The following SIL1 variants were observed in gnomAD, a reference collection of about 807,000 sequenced individuals.
The protein encoded by SIL1 is SIL1 nucleotide exchange factor.
Under a neutral mutation model 49.1 loss-of-function variants are expected in SIL1, and 40 were observed. The observed-to-expected ratio is 0.81, with a 90% CI of 0.63 to 1.06. SIL1 has a LOEUF of 1.06. SIL1 is among the 50% of genes least tolerant of loss of function. The pLI, the probability that SIL1 is intolerant of heterozygous loss-of-function variation, is 0.00. For missense variants in SIL1, 500 were observed against 572.6 expected, an observed-to-expected ratio of 0.87 and a Z score of 1.29; for synonymous variants, 253 against 250.8, an observed-to-expected ratio of 1.01 and a Z score of -0.08.
chr5:139,107,426 T>C (rs1323869231), intron 3 of SIL1, among the ~76,000 whole-genome samples: 1 of 152,240 alleles, frequency 6.6e-6, no homozygotes, highest in African/African-American at 2.4e-5. Flanking sequence ...GAGTTTCCCA[T>C]ATACTCTTCA....
At chr5:139,144,125 G>A (rs1751146837) in intron 1 of SIL1, among the ~76,000 whole-genome samples, 1 of 152,176 alleles carries the variant, frequency 6.6e-6, no homozygotes, top group Non-Finnish European at 1.5e-5. Flanking sequence ...TTCACATGGA[G>A]TTTCAAGGGA....
intron 7 of SIL1, among the ~76,000 whole-genome samples, chr5:139,004,217 TC>T (rs1259660086): frequency 1.3e-5 from 2 of 152,184 alleles, no homozygotes; most frequent in African/African-American, 4.8e-5. Flanking sequence ...CCCAGGCTGG[TC>T]TTGAATTCCT....
chr5:139,000,790 C>T (rs1767966314), intron 7 of SIL1, among the ~76,000 whole-genome samples: 1 of 151,624 alleles, frequency 6.6e-6, no homozygotes, highest in South Asian at 2.1e-4. Context: ...GTGAAATGAC[C>T]CGCTACACAC....
intron 7 of SIL1, among the ~76,000 whole-genome samples, chr5:138,955,946 G>A (rs951339387): frequency 1.3e-5 from 2 of 152,200 alleles, no homozygotes; most frequent in African/African-American, 4.8e-5. Flanking sequence ...AGAGCTCTAG[G>A]ATGGGAATAA....
chr5:139,024,514 C>G (rs1042617560), intron 6 of SIL1, among the ~76,000 whole-genome samples: 4 of 152,224 alleles, frequency 2.6e-5, no homozygotes. Flanking sequence ...AGGAAGAAAG[C>G]ATGTCTTTTA....
At chr5:139,170,964 C>T (rs2151815219) in intron 1 of SIL1, among the ~76,000 whole-genome samples, 1 of 148,642 alleles carries the variant, frequency 6.7e-6, no homozygotes, top group Admixed American at 6.6e-5. Context: ...GGGTCAGTCC[C>T]CCGCCCGGCC....
chr5:138,959,482 A>G (rs1401307998), intron 7 of SIL1, among the ~76,000 whole-genome samples: 1 of 152,082 alleles, frequency 6.6e-6, no homozygotes, highest in Admixed American at 6.5e-5. Flanking sequence ...CATGAAGCTT[A>G]TACCCTCTGG....
rs115263767 is a variant in SIL1, at chr5:139,072,838, A to C, written c.245-21792T>G. ...CTGATAGTGATAAATACCCAAAATAAATATGGAACTCAACTCAACAGCAAA... is the reference window on the plus strand; with the variant it reads ...CTGATAGTGATAAATACCCAAAATACATATGGAACTCAACTCAACAGCAAA... On this transcript the variant is annotated intron_variant, in intron 3 of 9. Coordinates refer to ENST00000394817, the MANE Select transcript of SIL1 (RefSeq NM_022464.5). 5.6e-3 allele frequency among the ~76,000 whole-genome samples: 851 copies of C among 152,300 alleles called. 12 individuals are homozygous for C. The highest frequency in any genetic ancestry group is 0.019 in the African/African-American group (788 of 41,580).
intron 7 of SIL1, 42 bp from the exon 8 acceptor site, chr5:138,951,926 C>T: frequency 6.4e-7 from 1 of 1,554,318 alleles, no homozygotes; most frequent in Non-Finnish European, 8.9e-7. Flanking sequence ...CCTGCCCAGC[C>T]CAGGGATCGG....
chr5:139,111,026 C>T (rs1024036849), intron 3 of SIL1, among the ~76,000 whole-genome samples: 6 of 152,212 alleles, frequency 3.9e-5, no homozygotes, highest in Non-Finnish European at 7.3e-5. Flanking sequence ...AGTCAACAAA[C>T]CTCACCCACC....
chr5:139,079,751 A>C (rs928883292), intron 3 of SIL1, among the ~76,000 whole-genome samples: 32 of 152,248 alleles, frequency 2.1e-4, no homozygotes, highest in African/African-American at 7.5e-4. Flanking sequence ...AGTTCAAAAA[A>C]GTAAGAAAAT....
intron 7 of SIL1, among the ~76,000 whole-genome samples, chr5:139,013,313 T>C (rs964819339): frequency 7.2e-5 from 11 of 152,232 alleles, no homozygotes; most frequent in South Asian, 4.1e-4. Flanking sequence ...AGACTGAAGA[T>C]CTGCAGGCAT....
intron 1 of SIL1, among the ~76,000 whole-genome samples, chr5:139,157,422 A>G (rs922372413): frequency 4.6e-5 from 7 of 152,110 alleles, no homozygotes; most frequent in Non-Finnish European, 8.8e-5. Flanking sequence ...GCTATTCACC[A>G]CTTTGACTTC....
chr5:139,070,145 A>C (rs1487178392), intron 3 of SIL1, among the ~76,000 whole-genome samples: 1 of 152,226 alleles, frequency 6.6e-6, no homozygotes, highest in Non-Finnish European at 1.5e-5. Context: ...CAATGAGAGC[A>C]CACACAAAAA....
intron 3 of SIL1, among the ~76,000 whole-genome samples, chr5:139,085,623 C>A (rs546030830): frequency 2.0e-5 from 3 of 152,174 alleles, no homozygotes; most frequent in South Asian, 4.2e-4. Context: ...GGTGAGGTAA[C>A]TGGGAGAATG....
intron 3 of SIL1, among the ~76,000 whole-genome samples, chr5:139,079,630 G>A (rs1338647495): frequency 1.3e-5 from 2 of 152,142 alleles, no homozygotes; most frequent in Admixed American, 6.6e-5. Context: ...ACTAACAAAG[G>A]GCAAAGGGAC....
intron 3 of SIL1, among the ~76,000 whole-genome samples, chr5:139,100,788 T>C (rs961365715): frequency 1.3e-5 from 2 of 152,010 alleles, no homozygotes; most frequent in Admixed American, 1.3e-4. Context: ...ATTAAAGGGA[T>C]AGAATAGCCA....
intron 3 of SIL1, among the ~76,000 whole-genome samples, chr5:139,096,520 C>T (rs1202949848): frequency 2.0e-5 from 3 of 151,620 alleles, no homozygotes; most frequent in Non-Finnish European, 4.4e-5. Flanking sequence ...CCCTAGGCTG[C>T]ACAACTCACA....
intron 5 of SIL1, 55 bp from the exon 6 acceptor site, chr5:139,027,047 G>T (rs1403735678): frequency 6.4e-6 from 10 of 1,568,834 alleles, no homozygotes; most frequent in Non-Finnish European, 8.8e-6. Context: ...TGCCCAAGAT[G>T]TCTGTGGTCT....
Sources: allele counts gnomAD v4.1 joint callset (sites outside exome capture counted in the v4.1 genomes callset), GRCh38; gene constraint gnomAD v4.1.1; transcripts MANE v1.5; gene names NCBI Gene and HGNC (gene_info 2026-07-23, HGNC 2026-07-21).